The following DHRS7C variants were observed in gnomAD, a reference collection of about 807,000 sequenced individuals.
DHRS7C encodes the protein dehydrogenase/reductase 7C.
A neutral mutation model predicts 29.6 loss-of-function variants in DHRS7C; 28 were observed. The ratio of observed to expected loss-of-function variants is 0.95; its 90% CI spans 0.70 to 1.30. The LOEUF is 1.30. Ranked by LOEUF, DHRS7C falls within the 50% of genes most tolerant of loss-of-function variation. DHRS7C has a pLI of 0.00. For synonymous variants in DHRS7C, 158 were observed against 160.2 expected, an observed-to-expected ratio of 0.99 and a Z score of 0.10; for missense variants, 403 against 393.3, an observed-to-expected ratio of 1.02 and a Z score of -0.21.
chr17:9,790,625 C>A (rs571023195), intron 1 of DHRS7C, among the ~76,000 whole-genome samples: 55 of 152,344 alleles, frequency 3.6e-4, no homozygotes, highest in Admixed American at 2.2e-3. Context: ...GCTCCAGGTA[C>A]TGTTCTAAGT....
chr17:9,788,559 C>T (rs1301183534), intron 1 of DHRS7C, among the ~76,000 whole-genome samples: 3 of 152,240 alleles, frequency 2.0e-5, no homozygotes, highest in African/African-American at 2.4e-5. Flanking sequence ...CAGGATTCCC[C>T]GCTTGGCCAA....
At chr17:9,773,412 C>G (rs549246534) in intron 4 of DHRS7C, among the ~76,000 whole-genome samples, 1 of 152,052 alleles carries the variant, frequency 6.6e-6, no homozygotes, top group Non-Finnish European at 1.5e-5. Flanking sequence ...TCGGAGAGCC[C>G]GTCCAGGTAA....
At position 9,774,188 on chromosome 17, in the gene DHRS7C, G is replaced by A. The variant is rs976052780; in HGVS notation, c.572-1266C>T. ...CCCTGCTCTGGTGGGTGAGAAGCTG[G>A]GGACCCAGAGGTGAATAGAAGTAGC... is the stretch of plus-strand genomic sequence containing the variant. On this transcript the variant is annotated intron_variant, in intron 4 of 5. Coordinates refer to ENST00000571134, the MANE Select transcript of DHRS7C (RefSeq NM_001105571.3). The surrounding 1 kb of genome is among the most constrained non-coding windows in gnomAD (Gnocchi z 5.0). Among the ~76,000 whole-genome samples the A allele has an allele frequency of 2.6e-5, 4 of 152,160 alleles. No individual in the cohort carries two copies. The highest frequency in any genetic ancestry group is 5.9e-5 in the Non-Finnish European group (4 of 68,024).
chr17:9,772,976 T>G lies in DHRS7C; in HGVS notation c.572-54A>C. 10 of 1,595,746 alleles carry G rather than the reference T, an allele frequency of 6.3e-6. No individual in the cohort carries two copies. The South Asian group carries it at 1.0e-4, about 16-fold the overall frequency. On this transcript the variant is annotated intron_variant, in intron 4 of 5. Transcript: ENST00000571134. Reference sequence around the variant, plus strand: ...GCAGGACACTCCCGGCCCTGCTTCCTGGTGGGCGCATTGGAGGCAGGAGGG... The same window carrying G: ...GCAGGACACTCCCGGCCCTGCTTCCGGGTGGGCGCATTGGAGGCAGGAGGG...
intron 1 of DHRS7C, among the ~76,000 whole-genome samples, chr17:9,786,451 T>C (rs2066424640): frequency 6.6e-6 from 1 of 151,702 alleles, no homozygotes; most frequent in Non-Finnish European, 1.5e-5. Context: ...ATTTGAGGTG[T>C]ACTGTCTCAC....
At chr17:9,788,363 C>A (rs759648900) in intron 1 of DHRS7C, among the ~76,000 whole-genome samples, 4 of 152,022 alleles carry the variant, frequency 2.6e-5, no homozygotes, top group Non-Finnish European at 4.4e-5. Context: ...AGAGCCCCCA[C>A]CCCCAGCTAA....
At chr17:9,772,092 G>A (rs1478308260) in intron 5 of DHRS7C, among the ~76,000 whole-genome samples, 1 of 152,112 alleles carries the variant, frequency 6.6e-6, no homozygotes, top group Non-Finnish European at 1.5e-5. Flanking sequence ...GATCATCTCG[G>A]TTCCTCAAGG....
chr17:9,791,094 G>A, intron 1 of DHRS7C, 37 bp downstream of exon 1: 4 of 1,581,596 alleles, frequency 2.5e-6, no homozygotes, highest in Non-Finnish European at 3.4e-6. Flanking sequence ...GTCCCTGGGG[G>A]CAGAAATGGG....
chr17:9,791,349 C>T lies in DHRS7C; in HGVS notation c.-65G>A. 1.9e-6 allele frequency: 3 copies of T among 1,569,674 alleles called. No homozygotes were observed. Among genetic ancestry groups the T allele is most frequent in the Non-Finnish European group, 2.6e-6 (3 of 1,156,232 alleles). On this transcript the variant is annotated 5_prime_UTR_variant, in exon 1 of 6. Coordinates refer to ENST00000571134, the MANE Select transcript of DHRS7C (RefSeq NM_001105571.3). ...TGCAAAGAGACGCTGATCAGGACTC[C>T]CAGGGCAGGGGGAGGCCCAAGGCTG... is the stretch of plus-strand genomic sequence containing the variant.
intron 5 of DHRS7C, 143 bp downstream of exon 5, chr17:9,772,624 C>T: frequency 9.0e-7 from 1 of 1,112,952 alleles, no homozygotes; most frequent in Non-Finnish European, 1.2e-6. Flanking sequence ...CCCCGCCCTG[C>T]TGTTGGGGGT....
At chr17:9,781,360 G>A (rs894825100) in intron 2 of DHRS7C, 122 bp downstream of exon 2, 1 of 865,790 alleles carries the variant, frequency 1.2e-6, no homozygotes, top group African/African-American at 1.7e-5. Flanking sequence ...TGGGTTCATT[G>A]CCTCACATTC....
In DHRS7C at chr17:9,791,530, TA is replaced by T. The variant is rs147521741; in HGVS notation, c.-247del. Among the ~76,000 whole-genome samples the T allele has an allele frequency of 1.1e-3, 161 of 152,360 alleles. No individual in the cohort carries two copies. The highest frequency in any genetic ancestry group is 3.7e-3 in the African/African-American group (153 of 41,590). On this transcript the variant is annotated 5_prime_UTR_variant, in exon 1 of 6. It removes the in-frame stop codon of an upstream open reading frame in the 5' UTR. Coordinates refer to ENST00000571134, the MANE Select transcript of DHRS7C (RefSeq NM_001105571.3). ...CCCAGTGGTTAATTACAAACTTAAT[TA>T]AAATGGGTCTGCATTTTTGGAAGAA... is the stretch of plus-strand genomic sequence containing the variant.
intron 2 of DHRS7C, among the ~76,000 whole-genome samples, chr17:9,780,901 G>C (rs2066389485): frequency 1.3e-5 from 2 of 152,182 alleles, no homozygotes; most frequent in South Asian, 4.1e-4. Context: ...GGGGCATTCT[G>C]TGTTGTCCTG....
intron 1 of DHRS7C, among the ~76,000 whole-genome samples, chr17:9,784,934 A>C (rs564836514): frequency 1.3e-5 from 2 of 152,356 alleles, no homozygotes; most frequent in South Asian, 4.1e-4. Flanking sequence ...TTTAAAAAAG[A>C]TTCAAAACAG....
intron 4 of DHRS7C, among the ~76,000 whole-genome samples, chr17:9,773,741 T>TTTTTTTTTTTTTTTTTTTTTTTTC (rs57969612): frequency 7.7e-6 from 1 of 129,290 alleles, no homozygotes. Context: ...TTTTTTTTTT[T>TTTTTTTTTTTTTTTTTTTTTTTTC]TGAGACGGCG....
At chr17:9,772,071 C>T (rs867482473) in intron 5 of DHRS7C, among the ~76,000 whole-genome samples, 16 of 152,198 alleles carry the variant, frequency 1.1e-4, no homozygotes, top group South Asian at 1.0e-3. Context: ...CCTGGTCTGC[C>T]CCCCATCTTG....
chr17:9,774,964 G>C lies in DHRS7C; in HGVS notation c.572-2042C>G, dbSNP rs1162808811. Reference sequence around the variant, plus strand: ...CAGAGAAGCCAGACCATGACTGATGGGGGTGGAGACAGCCTTGAGAGAATT... The same window carrying C: ...CAGAGAAGCCAGACCATGACTGATGCGGGTGGAGACAGCCTTGAGAGAATT... On this transcript the variant is annotated intron_variant, in intron 4 of 5. Coordinates refer to ENST00000571134, the MANE Select transcript of DHRS7C (RefSeq NM_001105571.3). The surrounding 1 kb of genome is among the most constrained non-coding windows in gnomAD (Gnocchi z 5.0). Among the ~76,000 whole-genome samples the C allele has an allele frequency of 6.6e-6, 1 of 152,176 alleles. No homozygotes were observed. The highest frequency in any genetic ancestry group is 1.5e-5 in the Non-Finnish European group (1 of 68,026).
At chr17:9,772,236 A>C (rs1013583422) in intron 5 of DHRS7C, among the ~76,000 whole-genome samples, 2 of 152,180 alleles carry the variant, frequency 1.3e-5, no homozygotes, top group African/African-American at 4.8e-5. Context: ...CAACAACCCT[A>C]AGAGATAGGT....
intron 1 of DHRS7C, among the ~76,000 whole-genome samples, chr17:9,788,876 A>AT (rs2066439172): frequency 6.6e-6 from 1 of 151,934 alleles, no homozygotes; most frequent in African/African-American, 2.4e-5. Flanking sequence ...CCGGGACTTT[A>AT]TTTTTTTCTT....
Sources: gnomAD v4.1 joint callset for allele counts (sites outside exome capture counted in the v4.1 genomes callset) on GRCh38, gnomAD v4.1.1 for gene constraint, Gnocchi (gnomAD v3.1) non-coding constraint, MANE v1.5 for transcripts, NCBI Gene and HGNC (gene_info 2026-07-23, HGNC 2026-07-21) for gene names.